Variants in LACC1 observed in about 807,000 individuals in gnomAD.
LACC1 encodes purine nucleoside phosphorylase LACC1.
A neutral mutation model predicts 34.8 loss-of-function variants in LACC1; 25 were observed. That is an observed-to-expected ratio of 0.72 (90% CI 0.52 to 1.00). The LOEUF is 1.00. LACC1 is among the 50% of genes least tolerant of loss of function. The probability of loss-of-function intolerance (pLI) is 0.00; values close to 1 mark genes in which losing one functional copy is unlikely to be tolerated. For synonymous variants in LACC1, 162 were observed against 168.0 expected (o/e 0.96, Z 0.28); for missense variants, 426 against 511.2 (o/e 0.83, Z 1.61).
At chr13:43,884,246 C>T (rs1566966559) in intron 4 of LACC1, among the ~76,000 whole-genome samples, 1 of 152,164 alleles carries the variant, frequency 6.6e-6, no homozygotes. Context: ...GATAATCCCA[C>T]ATTGCAGATT....
intron 3 of LACC1, 33 bp from the exon 4 acceptor site, chr13:43,883,738 C>A: frequency 1.3e-6 from 2 of 1,545,772 alleles, no homozygotes; most frequent in Non-Finnish European, 1.8e-6. Flanking sequence ...ATACTATTTC[C>A]AAAACATTTT....
In LACC1 at chr13:43,887,354, G is replaced by GTTT. The variant is rs550995605; in HGVS notation, c.908-1402_908-1401insTTT. On this transcript the variant is annotated intron_variant, in intron 4 of 6. Coordinates refer to ENST00000325686, the MANE Select transcript of LACC1 (RefSeq NM_153218.4). ...ACCTTTTGAAGGGTATGAGTATGGA[G>GTTT]TGCTTAAGGAAGGTGTAAGGGTACT... 1.5e-3 allele frequency among the ~76,000 whole-genome samples: 234 copies of GTTT among 152,274 alleles called. 2 individuals carry two copies. The highest frequency in any genetic ancestry group is 5.3e-3 in the African/African-American group (220 of 41,550).
At chr13:43,890,031 C>A in intron 5 of LACC1, 83 bp from the exon 6 acceptor site, 2 of 1,214,962 alleles carry the variant, frequency 1.6e-6, no homozygotes, top group Non-Finnish European at 2.3e-6. Flanking sequence ...CTTTTTCATG[C>A]CAACATCCAT....
chr13:43,893,021 T>C lies in LACC1; in HGVS notation c.*1574T>C, dbSNP rs117297262. The C allele has an allele frequency of 9.6e-3, 1,458 of 152,354 alleles. 7 individuals carry two copies. The highest frequency in any genetic ancestry group is 0.024 in the Middle Eastern group (7 of 294). 9.4% of individuals were successfully genotyped at this position (152,354 alleles called of 1,614,324 possible). On this transcript the variant is annotated 3_prime_UTR_variant, in exon 7 of 7. Coordinates refer to ENST00000325686, the MANE Select transcript of LACC1 (RefSeq NM_153218.4). ...ACTACATCTTCAAGGAAGGGACTTTTTTTGGATGAGCAGTTTTGAGTGTGT... is the reference window on the plus strand; with the variant it reads ...ACTACATCTTCAAGGAAGGGACTTTCTTTGGATGAGCAGTTTTGAGTGTGT...
Position 43,888,893 on chromosome 13 carries a change from A to G in LACC1, c.1044A>G (p.Glu348=). 6.2e-7 allele frequency: 1 copy of G among 1,613,948 alleles called. No homozygotes were observed. The highest frequency in any genetic ancestry group is 8.5e-7 in the Non-Finnish European group (1 of 1,179,878). Residue 348 remains glutamate (E), a synonymous_variant, in exon 5 of 7, where the codon GAA becomes GAG. Transcript: ENST00000325686. ...CTTGCTGTTTTACTCTTCCAAGGGA[A>G]TCAGCAGAGGCATTTCATAATCTTC... The part of the protein sequence containing the change: ...VGPCCFTLPR[E]SAEAFHNLHP...
chr13:43,889,741 G>GA (rs371327700), intron 5 of LACC1, among the ~76,000 whole-genome samples: 7 of 152,338 alleles, frequency 4.6e-5, no homozygotes, highest in South Asian at 2.1e-4. Context: ...GAAAGGAGAT[G>GA]AAGGGCCAGA....
intron 3 of LACC1, 134 bp from the exon 4 acceptor site, chr13:43,883,637 G>T: frequency 1.9e-6 from 1 of 519,804 alleles, no homozygotes; most frequent in South Asian, 6.5e-5. Context: ...ATATATAAAA[G>T]TGATATATTT....
In LACC1 at chr13:43,891,638, A is replaced by G. The variant is rs1157532453; in HGVS notation, c.*191A>G. ...ATTGTAATAATAACTGACAAAAATC[A>G]GTATGTTGTAGCTAATATGTTTTAT... On this transcript the variant is annotated 3_prime_UTR_variant, in exon 7 of 7. Coordinates refer to ENST00000325686, the MANE Select transcript of LACC1 (RefSeq NM_153218.4). The G allele has an allele frequency of 1.5e-6, 1 of 687,124 alleles. No homozygotes were observed. The highest frequency in any genetic ancestry group is 1.8e-6 in the Non-Finnish European group (1 of 558,006). 42.6% of individuals were successfully genotyped at this position (687,124 alleles called of 1,614,324 possible).
chr13:43,885,013 A>G (rs1330883072), intron 4 of LACC1, among the ~76,000 whole-genome samples: 1 of 152,222 alleles, frequency 6.6e-6, no homozygotes, highest in Admixed American at 6.5e-5. Context: ...TAATTTTGAA[A>G]GAATAAAATA....
chr13:43,884,076 TTTA>T, intron 4 of LACC1, 140 bp downstream of exon 4: 1 of 599,778 alleles, frequency 1.7e-6, no homozygotes. Context: ...GCGGCATAGT[TTTA>T]TTATAGGGAC....
intron 3 of LACC1, 58 bp downstream of exon 3, chr13:43,882,421 A>G: frequency 1.6e-6 from 2 of 1,277,720 alleles, no homozygotes; most frequent in Non-Finnish European, 2.2e-6. Flanking sequence ...TTTGCTAGTA[A>G]CTACATGGAC....
chr13:43,885,267 A>G (rs1955258887), intron 4 of LACC1, among the ~76,000 whole-genome samples: 2 of 152,238 alleles, frequency 1.3e-5, no homozygotes, highest in Non-Finnish European at 2.9e-5. Context: ...TTTAAAATTC[A>G]CATGGAACCA....
chr13:43,885,916 A>C (rs1181255088), intron 4 of LACC1, among the ~76,000 whole-genome samples: 2 of 152,200 alleles, frequency 1.3e-5, no homozygotes, highest in East Asian at 3.9e-4. Flanking sequence ...AACAAATAAC[A>C]ATCAATCCCA....
intron 4 of LACC1, among the ~76,000 whole-genome samples, chr13:43,886,105 A>T (rs989364796): frequency 1.3e-5 from 2 of 152,210 alleles, no homozygotes; most frequent in African/African-American, 4.8e-5. Flanking sequence ...TCAAAAAACA[A>T]CAGATGTTGG....
Position 43,891,467 on chromosome 13 carries a change from G to A in LACC1, c.*20G>A, listed in dbSNP as rs1002143369. On this transcript the variant is annotated 3_prime_UTR_variant, in exon 7 of 7. Coordinates refer to ENST00000325686, the MANE Select transcript of LACC1 (RefSeq NM_153218.4). Reference sequence around the variant, plus strand: ...TTTACAGATACTTGACTGGATTTTTGTATAACTGCTTCCTGCCTCCTTCCA... The same window carrying A: ...TTTACAGATACTTGACTGGATTTTTATATAACTGCTTCCTGCCTCCTTCCA... 8.1e-5 allele frequency: 80 copies of A among 984,784 alleles called. No homozygotes were observed. Among genetic ancestry groups the A allele is most frequent in the Non-Finnish European group, 3.9e-5 (32 of 829,386 alleles). The allele number at this position is 984,784 out of a possible 1,614,324, so 61.0% of individuals were successfully genotyped here.
In LACC1 at chr13:43,881,487, T is replaced by C. The variant is rs762928192; in HGVS notation, c.502T>C (p.Leu168=). The change falls in exon 2 of 7, where the codon TTG becomes CTG. Residue 168 remains leucine, a synonymous_variant. Coordinates refer to ENST00000325686, the MANE Select transcript of LACC1 (RefSeq NM_153218.4). ...RGIQNEIETF[L]RSLPALRGKL... is the part of the protein sequence containing the mutation. Reference sequence around the variant, plus strand: ...AATTCAGAATGAAATAGAAACATTTTTGAGAAGTCTGCCAGCACTGAGAGG... The same window carrying C: ...AATTCAGAATGAAATAGAAACATTTCTGAGAAGTCTGCCAGCACTGAGAGG... 3 of 1,613,334 alleles carry C rather than the reference T, an allele frequency of 1.9e-6. No homozygotes were observed. The South Asian group carries it at 3.3e-5, about 18-fold the overall frequency.
At position 43,882,227 on chromosome 13, in the gene LACC1, C is replaced by G; in HGVS notation, c.605C>G (p.Ser202Cys). Residue 202 changes from serine (S) to cysteine (C), a missense_variant, in exon 3 of 7, where the codon TCT (serine) becomes TGT (cysteine). Around this residue, in one of 2 missense-constraint regions of LACC1, gnomAD observed 209 missense variants for 300.3 expected, o/e 0.70. Coordinates refer to ENST00000325686, the MANE Select transcript of LACC1 (RefSeq NM_153218.4). The part of the protein sequence containing the change: ...HGFTTRTGGI[S>C]YIPTLSSFNL... ...TTTACTACAAGAACAGGTGGGATAT[C>G]TTATATACCAACTCTTAGCTCATTC... The G allele has an allele frequency of 6.2e-7, 1 of 1,611,158 alleles. No individual in the cohort carries two copies. Among genetic ancestry groups the G allele is most frequent in the Middle Eastern group, 1.7e-4 (1 of 6,052 alleles).
chr13:43,880,557 C>T (rs990150295), intron 1 of LACC1, among the ~76,000 whole-genome samples: 6 of 152,160 alleles, frequency 3.9e-5, no homozygotes, highest in Non-Finnish European at 7.4e-5. Flanking sequence ...CTTAAGCCCC[C>T]GCATATGAAA....
intron 4 of LACC1, among the ~76,000 whole-genome samples, chr13:43,887,303 A>AAGG (rs1480198248): frequency 6.6e-6 from 1 of 152,142 alleles, no homozygotes; most frequent in Admixed American, 6.5e-5. Flanking sequence ...TTATCTGTAA[A>AAGG]AATTGATCCC....
Sources: gnomAD v4.1 joint callset for allele counts (sites outside exome capture counted in the v4.1 genomes callset) on GRCh38, gnomAD v4.1.1 for gene constraint, gnomAD v4.1.1 regional missense constraint, MANE v1.5 for transcripts, NCBI Gene and HGNC (gene_info 2026-07-23, HGNC 2026-07-21) for gene names.